The following RSRC1 variants were observed in gnomAD, a reference collection of about 807,000 sequenced individuals.
RSRC1 encodes the protein serine/Arginine-related protein 53.
A neutral mutation model predicts 49.1 loss-of-function variants in RSRC1; 39 were observed. The ratio of observed to expected loss-of-function variants is 0.79; its 90% CI spans 0.61 to 1.04. The LOEUF (loss-of-function observed/expected upper bound fraction) is 1.04. Among genes scored for constraint, RSRC1 ranks in the 50% least tolerant of loss-of-function variants. RSRC1 has a pLI of 0.00. For missense variants in RSRC1, 388 were observed against 402.4 expected, an observed-to-expected ratio of 0.96 and a Z score of 0.31; for synonymous variants, 143 against 130.8, an observed-to-expected ratio of 1.09 and a Z score of -0.63.
At chr3:158,178,269 G>T (rs760598612) in intron 3 of RSRC1, among the ~76,000 whole-genome samples, 1 of 152,120 alleles carries the variant, frequency 6.6e-6, no homozygotes, top group Non-Finnish European at 1.5e-5. Flanking sequence ...CTCCCGAGTA[G>T]CTGGGACTAC....
intron 4 of RSRC1, among the ~76,000 whole-genome samples, chr3:158,289,691 T>C (rs1218597284): frequency 2.0e-5 from 3 of 152,202 alleles, no homozygotes; most frequent in African/African-American, 7.2e-5. Context: ...CTAAGAATTC[T>C]AACCAAACCT....
chr3:158,311,751 G>A (rs1578321439), intron 5 of RSRC1, among the ~76,000 whole-genome samples: 1 of 152,094 alleles, frequency 6.6e-6, no homozygotes, highest in African/African-American at 2.4e-5. Context: ...TAAGGTAATA[G>A]ATATGTTAAT....
chr3:158,294,344 C>T (rs1218876121), intron 4 of RSRC1, among the ~76,000 whole-genome samples: 4 of 152,028 alleles, frequency 2.6e-5, no homozygotes, highest in Admixed American at 1.3e-4. Flanking sequence ...GTTTGTAATA[C>T]CCACTATCAT....
intron 7 of RSRC1, among the ~76,000 whole-genome samples, chr3:158,503,383 C>T (rs561210670): frequency 1.3e-3 from 204 of 152,238 alleles, no homozygotes; most frequent in African/African-American, 4.5e-3. Flanking sequence ...GGAGGTGGCA[C>T]TTTCCAGAGA....
chr3:158,472,228 G>A (rs1025428123), intron 7 of RSRC1, among the ~76,000 whole-genome samples: 7 of 152,022 alleles, frequency 4.6e-5, no homozygotes, highest in African/African-American at 1.7e-4. Context: ...CAGGTCAGAA[G>A]TGCTACTGAA....
At chr3:158,281,094 G>A (rs1726132716) in intron 4 of RSRC1, among the ~76,000 whole-genome samples, 1 of 148,124 alleles carries the variant, frequency 6.8e-6, no homozygotes, top group Admixed American at 6.8e-5. Context: ...GATGGTGGCA[G>A]TTGATATAAA....
chr3:158,205,953 AAT>A (rs1721323267), intron 4 of RSRC1, among the ~76,000 whole-genome samples: 1 of 152,162 alleles, frequency 6.6e-6, no homozygotes, highest in African/African-American at 2.4e-5. Context: ...CTAGATAGTA[AAT>A]AATTTAGGCT....
chr3:158,524,989 A>G (rs1216136256), intron 7 of RSRC1, among the ~76,000 whole-genome samples: 1 of 152,086 alleles, frequency 6.6e-6, no homozygotes, highest in African/African-American at 2.4e-5. Context: ...AACTTCTAGA[A>G]GAAAATTTTT....
intron 4 of RSRC1, among the ~76,000 whole-genome samples, chr3:158,228,313 A>C (rs1722635937): frequency 6.6e-6 from 1 of 151,980 alleles, no homozygotes; most frequent in African/African-American, 2.4e-5. Flanking sequence ...TCAGTGAAGC[A>C]ATTTCAGGCC....
At chr3:158,122,002 C>A in intron 1 of RSRC1, 101 bp from the exon 2 acceptor site, 1 of 659,222 alleles carries the variant, frequency 1.5e-6, no homozygotes, top group Non-Finnish European at 2.3e-6. Flanking sequence ...GAGACCCCAT[C>A]TCTAAAATAA....
chr3:158,122,273 C>A lies in RSRC1; in HGVS notation c.169C>A (p.Pro57Thr). Residue 57 changes from proline to threonine, a missense_variant, in exon 2 of 10, where the codon CCT becomes ACT. Coordinates refer to ENST00000611884, the MANE Select transcript of RSRC1 (RefSeq NM_001271838.2). The stretch of plus-strand genomic sequence containing the variant: ...AAGATCTTGGTCCAGAGATCTTCAG[C>A]CTCGTTCACATTCTTATGATAGAAG... ...KSRSWSRDLQ[P>T]RSHSYDRRRR... The A allele has an allele frequency of 6.3e-7, 1 of 1,587,992 alleles. No individual in the cohort carries two copies. The highest frequency in any genetic ancestry group is 8.6e-7 in the Non-Finnish European group (1 of 1,167,458).
intron 6 of RSRC1, among the ~76,000 whole-genome samples, chr3:158,380,579 A>G (rs1256793096): frequency 1.3e-5 from 2 of 152,150 alleles, no homozygotes; most frequent in Non-Finnish European, 2.9e-5. Context: ...ATTAATCTCT[A>G]GTTTGCAAGT....
intron 7 of RSRC1, among the ~76,000 whole-genome samples, chr3:158,464,158 T>C (rs1737759457): frequency 6.6e-6 from 1 of 152,184 alleles, no homozygotes. Flanking sequence ...ATGTTCTAAC[T>C]ATACTTTTAA....
At chr3:158,502,257 T>A (rs1578551755) in intron 7 of RSRC1, among the ~76,000 whole-genome samples, 1 of 152,220 alleles carries the variant, frequency 6.6e-6, no homozygotes, top group Non-Finnish European at 1.5e-5. Flanking sequence ...GGTTTTCCTT[T>A]ATAGGTTACC....
At chr3:158,134,097 A>G (rs1359209751) in intron 3 of RSRC1, among the ~76,000 whole-genome samples, 2 of 81,224 alleles carry the variant, frequency 2.5e-5, no homozygotes, top group African/African-American at 9.8e-5. Flanking sequence ...CAAGGAAATG[A>G]GAATAATAAT....
chr3:158,194,116 G>A (rs1453407028), intron 3 of RSRC1, among the ~76,000 whole-genome samples: 1 of 147,992 alleles, frequency 6.8e-6, no homozygotes, highest in Non-Finnish European at 1.5e-5. Context: ...AAAGAAATTA[G>A]CTGAGCATGG....
intron 3 of RSRC1, among the ~76,000 whole-genome samples, chr3:158,145,213 A>G (rs959704508): frequency 5.9e-5 from 9 of 151,904 alleles, no homozygotes; most frequent in Non-Finnish European, 8.8e-5. Context: ...GCCCATGCCT[A>G]AGTCCTGAAT....
At chr3:158,187,066 C>G (rs1218978469) in intron 3 of RSRC1, among the ~76,000 whole-genome samples, 1 of 151,818 alleles carries the variant, frequency 6.6e-6, no homozygotes, top group African/African-American at 2.4e-5. Flanking sequence ...GTGGACAAAC[C>G]TGAGATTAGA....
chr3:158,226,243 A>T (rs1360807487), intron 4 of RSRC1, among the ~76,000 whole-genome samples: 1 of 151,964 alleles, frequency 6.6e-6, no homozygotes, highest in Non-Finnish European at 1.5e-5. Flanking sequence ...CTCTGACAGG[A>T]TCAGCAAGTA....
Sources: gnomAD v4.1 joint callset for allele counts (sites outside exome capture counted in the v4.1 genomes callset) on GRCh38, gnomAD v4.1.1 for gene constraint, MANE v1.5 for transcripts, NCBI Gene and HGNC (gene_info 2026-07-23, HGNC 2026-07-21) for gene names.